ANO1: variants seen among roughly 807,000 people sequenced by gnomAD.
The protein encoded by ANO1 is anoctamin-1.
In ANO1, 59 loss-of-function variants were observed where a neutral mutation model predicts 124.0. The observed-to-expected ratio is 0.48, with a 90% CI of 0.39 to 0.59. ANO1 has a LOEUF of 0.59. ANO1 is among the 20% of genes least tolerant of loss of function. The pLI is 0.00. For missense variants in ANO1, 1,059 were observed against 1,328.0 expected (o/e 0.80, Z 3.15); for synonymous variants, 529 against 532.0 (o/e 0.99, Z 0.08).
chr11:70,078,753 G>T, intron 1 of ANO1, 39 bp downstream of exon 1: 2 of 1,350,676 alleles, frequency 1.5e-6, no homozygotes, highest in African/African-American at 1.5e-5. Context: ...GGAGGGCCGC[G>T]CACCTGCGCC....
intron 2 of ANO1, among the ~76,000 whole-genome samples, chr11:70,089,137 G>A (rs1233095615): frequency 1.3e-5 from 2 of 152,274 alleles, no homozygotes; most frequent in East Asian, 3.9e-4. Flanking sequence ...TGAATATTGG[G>A]TGAAGGGCCC....
intron 1 of ANO1, 119 bp downstream of exon 1, chr11:70,078,833 G>T (rs1234455849): frequency 4.1e-6 from 2 of 483,888 alleles, no homozygotes; most frequent in Non-Finnish European, 5.8e-6. Context: ...CACCCTCCGC[G>T]CAGGGTTCGC....
At chr11:70,171,165 C>T in intron 22 of ANO1, 126 bp downstream of exon 22, 1 of 1,346,014 alleles carries the variant, frequency 7.4e-7, no homozygotes. Context: ...CTTCACTCAG[C>T]CTTTGCCGGG....
Position 70,111,738 on chromosome 11 carries a change from C to T in ANO1, c.831C>T (p.Tyr277=), listed in dbSNP as rs749587867. The change falls in exon 7 of 26, where the codon TAC becomes TAT. Residue 277 remains tyrosine (Y), a synonymous_variant. Coordinates refer to ENST00000355303, the MANE Select transcript of ANO1 (RefSeq NM_018043.7). ...CGAGCCTGCTGGCCAATGGTGTGTA[C>T]GCGGCTGCATACCCACTGCACGATG... is the stretch of plus-strand genomic sequence containing the variant. ...GITSLLANGV[Y]AAAYPLHDGD... The T allele has an allele frequency of 2.1e-5, 34 of 1,613,904 alleles. No individual in the cohort carries two copies. The highest frequency in any genetic ancestry group is 5.3e-5 in the African/African-American group (4 of 74,938).
At chr11:70,134,484 A>G in intron 11 of ANO1, among the ~76,000 whole-genome samples, 1 of 152,194 alleles carries the variant, frequency 6.6e-6, no homozygotes, top group East Asian at 1.9e-4. Flanking sequence ...ATGAGGCTGC[A>G]TGAGGATCAG....
At chr11:70,085,277 T>C in intron 1 of ANO1, 8 of 1,068,640 alleles carry the variant, frequency 7.5e-6, no homozygotes, top group Non-Finnish European at 1.0e-5. Flanking sequence ...GGGCTGGGCA[T>C]GGGAACCCAC....
At chr11:70,127,567 A>G (rs1435386663) in intron 10 of ANO1, among the ~76,000 whole-genome samples, 2 of 152,164 alleles carry the variant, frequency 1.3e-5, no homozygotes, top group Non-Finnish European at 2.9e-5. Flanking sequence ...GCGATGGCGC[A>G]TGCCTGTAAT....
At chr11:70,059,364 A>AT (rs1555007399) in intron 1 of ANO1, among the ~76,000 whole-genome samples, 50 of 151,776 alleles carry the variant, frequency 3.3e-4, no homozygotes, top group African/African-American at 1.1e-3. Context: ...AAAAAAAAAA[A>AT]AAAAAGCCGA....
At chr11:70,032,155 G>T (rs764145426) in intron 1 of ANO1, among the ~76,000 whole-genome samples, 8 of 152,170 alleles carry the variant, frequency 5.3e-5, no homozygotes, top group Non-Finnish European at 7.3e-5. Flanking sequence ...TGTGGTCTGT[G>T]CTGTGAAGGA....
At chr11:70,187,643 G>A (rs889739539) in intron 25 of ANO1, 95 bp from the exon 26 acceptor site, 1 of 1,426,412 alleles carries the variant, frequency 7.0e-7, no homozygotes, top group Non-Finnish European at 9.5e-7. Context: ...GAGGTGGTGG[G>A]GTGGCACTCC....
chr11:70,112,553 CTTTTTT>C (rs11357130), intron 7 of ANO1, among the ~76,000 whole-genome samples: 6 of 136,836 alleles, frequency 4.4e-5, no homozygotes, highest in Admixed American at 2.2e-4. Flanking sequence ...CTTTTCTTTT[CTTTTTT>C]TTTTTTTTTT....
Position 70,072,476 on chromosome 11 carries a change from G to C in ANO1, c.59-6066G>C, listed in dbSNP as rs931706581. 4 of 152,196 alleles carry C rather than the reference G, an allele frequency of 2.6e-5. No individual in the cohort carries two copies. In the East Asian group the frequency reaches 5.8e-4, roughly 22 times the overall value. 9.4% of individuals were successfully genotyped at this position (152,196 alleles called of 1,614,324 possible). On this transcript the variant is annotated intron_variant, in intron 1 of 27. Transcript: ENST00000531349. ...GGAACATCTTTTATTCCAACCACAG[G>C]GTTTTGCAGGAAAGCGTCAGGATTT...
rs1490850670 is a variant in ANO1, at chr11:70,153,123, A to C, written c.1420A>C (p.Lys474Gln). 1.2e-6 allele frequency: 2 copies of C among 1,603,964 alleles called. No homozygotes were observed. The highest frequency in any genetic ancestry group is 1.7e-6 in the Non-Finnish European group (2 of 1,174,984). Residue 474 changes from lysine to glutamine, a missense_variant, in exon 14 of 26, where the codon AAA becomes CAA. Around this residue, in one of 2 missense-constraint regions of ANO1, gnomAD observed 809 missense variants for 1,094.9 expected, o/e 0.74. Transcript: ENST00000355303. ...EKSLKKESRN[K>Q]EKRRHIPEES... is the part of the protein sequence containing the mutation. ...GTCTCTGAAGAAAGAGTCCAGAAAC[A>C]AAGAGGTATGGTGGCCACTGTGGGT...
intron 1 of ANO1, among the ~76,000 whole-genome samples, chr11:70,062,282 G>T (rs927782011): frequency 2.6e-5 from 4 of 152,102 alleles, no homozygotes; most frequent in Non-Finnish European, 5.9e-5. Context: ...TCGCTATGTT[G>T]GCCAGGCTGG....
At chr11:70,055,616 A>G (rs1857421238) in intron 1 of ANO1, among the ~76,000 whole-genome samples, 1 of 152,042 alleles carries the variant, frequency 6.6e-6, no homozygotes, top group Non-Finnish European at 1.5e-5. Context: ...TAAAAAATTC[A>G]GTCTGATAAC....
At chr11:70,153,706 T>C (rs1327930646) in intron 14 of ANO1, among the ~76,000 whole-genome samples, 5 of 152,196 alleles carry the variant, frequency 3.3e-5, no homozygotes, top group African/African-American at 4.8e-5. Flanking sequence ...TTAAGTCATA[T>C]GTGCAGCCAG....
intron 23 of ANO1, among the ~76,000 whole-genome samples, chr11:70,180,554 C>T (rs1019980000): frequency 6.6e-6 from 1 of 152,168 alleles, no homozygotes; most frequent in Non-Finnish European, 1.5e-5. Flanking sequence ...ATTACATTCA[C>T]GAGCCACTGC....
rs575002785 is a variant in ANO1 at position 70,062,336 on chromosome 11, C to T, written c.59-16206C>T. Among the ~76,000 whole-genome samples the T allele has an allele frequency of 1.8e-4, 27 of 152,234 alleles. No homozygotes were observed. In the South Asian group the frequency reaches 3.3e-3, roughly 19 times the overall value. ...AGGTGATCCATCCGCTTCGGCCTCC[C>T]GCAGTGCTGGGATTACAGGCGTGAG... is the stretch of plus-strand genomic sequence containing the variant. On this transcript the variant is annotated intron_variant, in intron 1 of 27. Coordinates refer to the ANO1 transcript ENST00000531349.
chr11:70,100,337 C>G (rs1467507471), intron 2 of ANO1, among the ~76,000 whole-genome samples: 1 of 152,248 alleles, frequency 6.6e-6, no homozygotes, highest in Non-Finnish European at 1.5e-5. Context: ...AGTTAAACAT[C>G]TCTGGATGAG....
Sources: allele counts gnomAD v4.1 joint callset (sites outside exome capture counted in the v4.1 genomes callset), GRCh38; gene constraint gnomAD v4.1.1; regional missense constraint gnomAD v4.1.1; transcripts MANE v1.5; gene names NCBI Gene and HGNC (gene_info 2026-07-23, HGNC 2026-07-21).